AOAH: variants seen among roughly 807,000 people sequenced by gnomAD.
The protein encoded by AOAH is acyloxyacyl hydrolase, also known as acyloxyacyl hydrolase (neutrophil).
Under a neutral mutation model 92.2 loss-of-function variants are expected in AOAH, and 64 were observed. The observed-to-expected ratio is 0.69, with a 90% CI of 0.57 to 0.86. The LOEUF is 0.86. Among genes scored for constraint, AOAH ranks in the 40% least tolerant of loss-of-function variants. The pLI, the probability that AOAH is intolerant of heterozygous loss-of-function variation, is 0.00. For missense variants in AOAH, 656 were observed against 694.6 expected (o/e 0.94, Z 0.62); for synonymous variants, 263 against 254.5 (o/e 1.03, Z -0.32).
At chr7:36,588,111 T>C (rs1179071785) in intron 12 of AOAH, among the ~76,000 whole-genome samples, 3 of 152,224 alleles carry the variant, frequency 2.0e-5, no homozygotes, top group African/African-American at 7.2e-5. Flanking sequence ...ATTAATAATG[T>C]TTTTTCTGCT....
intron 13 of AOAH, among the ~76,000 whole-genome samples, chr7:36,563,185 G>T (rs796540870): frequency 3.9e-5 from 3 of 76,704 alleles, no homozygotes; most frequent in Non-Finnish European, 5.4e-5. Flanking sequence ...AAAAAAAAAA[G>T]GCAATGGGAG....
chr7:36,700,901 T>C (rs1245046550), intron 1 of AOAH, among the ~76,000 whole-genome samples: 1 of 152,104 alleles, frequency 6.6e-6, no homozygotes, highest in Non-Finnish European at 1.5e-5. Flanking sequence ...TGATATCTCA[T>C]TGTGGTTTTA....
chr7:36,546,849 G>A (rs1275112927), intron 15 of AOAH, among the ~76,000 whole-genome samples: 7 of 152,158 alleles, frequency 4.6e-5, no homozygotes, highest in Non-Finnish European at 8.8e-5. Context: ...TGATGTCAGG[G>A]ACTGTGGCTT....
At chr7:36,561,573 G>A (rs1390202024) in intron 13 of AOAH, among the ~76,000 whole-genome samples, 1 of 149,926 alleles carries the variant, frequency 6.7e-6, no homozygotes, top group Admixed American at 6.6e-5. Context: ...GGTGGCACAC[G>A]CATCGGCTGG....
At chr7:36,655,947 C>T (rs1794857865) in intron 4 of AOAH, among the ~76,000 whole-genome samples, 1 of 152,030 alleles carries the variant, frequency 6.6e-6, no homozygotes, top group Non-Finnish European at 1.5e-5. Context: ...TCTAATAGGG[C>T]CCGCCTCCCT....
intron 2 of AOAH, among the ~76,000 whole-genome samples, chr7:36,678,913 A>C (rs924202913): frequency 6.6e-6 from 1 of 152,214 alleles, no homozygotes; most frequent in African/African-American, 2.4e-5. Flanking sequence ...TGGCATTTAC[A>C]TATTGACAGT....
At chr7:36,652,283 A>T (rs141783374) in intron 4 of AOAH, among the ~76,000 whole-genome samples, 49 of 152,362 alleles carry the variant, frequency 3.2e-4, no homozygotes, top group African/African-American at 1.1e-3. Flanking sequence ...AACTGGAAAA[A>T]TTTGTGCAAT....
chr7:36,594,318 A>G, intron 12 of AOAH, 21 bp downstream of exon 12: 1 of 1,577,914 alleles, frequency 6.3e-7, no homozygotes, highest in East Asian at 2.2e-5. Context: ...GAAATGTCTG[A>G]GGGTGCACAA....
chr7:36,541,336 A>G (rs980711731), intron 15 of AOAH, among the ~76,000 whole-genome samples: 11 of 152,228 alleles, frequency 7.2e-5, no homozygotes, highest in Non-Finnish European at 1.6e-4. Context: ...AGTTAGTAAA[A>G]TAAAAAAAGA....
intron 12 of AOAH, 151 bp downstream of exon 12, chr7:36,594,188 A>G: frequency 1.5e-6 from 1 of 658,486 alleles, no homozygotes; most frequent in Admixed American, 2.7e-5. Context: ...AATTTGCATT[A>G]CATCCTACTG....
chr7:36,545,146 G>A (rs1252352647), intron 15 of AOAH, among the ~76,000 whole-genome samples: 1 of 152,020 alleles, frequency 6.6e-6, no homozygotes, highest in African/African-American at 2.4e-5. Context: ...TGAACTCCTG[G>A]GCTCAAGCTA....
intron 1 of AOAH, among the ~76,000 whole-genome samples, chr7:36,713,549 C>T (rs1302965079): frequency 1.3e-5 from 2 of 152,204 alleles, no homozygotes; most frequent in African/African-American, 4.8e-5. Flanking sequence ...CACACCACAC[C>T]TATTCCAAAA....
chr7:36,699,032 A>T (rs1797882080), intron 1 of AOAH, among the ~76,000 whole-genome samples: 1 of 149,224 alleles, frequency 6.7e-6, no homozygotes, highest in South Asian at 2.1e-4. Flanking sequence ...TTTTTATCCC[A>T]CATGTATGAG....
chr7:36,517,845 C>T (rs1783884631), intron 20 of AOAH, among the ~76,000 whole-genome samples: 2 of 151,718 alleles, frequency 1.3e-5, no homozygotes, highest in African/African-American at 2.4e-5. Context: ...AGGTGATCTG[C>T]CTGCCTCGAC....
In AOAH at chr7:36,617,371, C is replaced by G. The variant is rs535263075; in HGVS notation, c.752-897G>C. On this transcript the variant is annotated intron_variant, in intron 10 of 20. Coordinates refer to ENST00000617537, the MANE Select transcript of AOAH (RefSeq NM_001637.4). The stretch of plus-strand genomic sequence containing the variant: ...TCATTCATTGGTTTAGTTGTTCATT[C>G]ATTCTTTATTCATCCAACAAATATT... Among the ~76,000 whole-genome samples the G allele has an allele frequency of 3.9e-5, 6 of 152,360 alleles. No homozygotes were observed. In the South Asian group the frequency reaches 1.2e-3, roughly 32 times the overall value.
intron 15 of AOAH, among the ~76,000 whole-genome samples, chr7:36,545,637 G>T (rs1308137970): frequency 2.0e-5 from 3 of 152,144 alleles, no homozygotes; most frequent in Admixed American, 1.3e-4. Context: ...AGATGAAAAT[G>T]TATAATTTAT....
At chr7:36,522,881 C>T (rs1323073710) in intron 19 of AOAH, among the ~76,000 whole-genome samples, 2 of 152,220 alleles carry the variant, frequency 1.3e-5, no homozygotes, top group Non-Finnish European at 2.9e-5. Flanking sequence ...ACTAAGATTC[C>T]TCCCGTTCTT....
chr7:36,704,749 A>T (rs964596533), intron 1 of AOAH, among the ~76,000 whole-genome samples: 2 of 152,200 alleles, frequency 1.3e-5, no homozygotes, highest in Non-Finnish European at 2.9e-5. Context: ...CCTCAATAAA[A>T]TACTGGCACA....
At chr7:36,596,999 C>A (rs1227605888) in intron 11 of AOAH, among the ~76,000 whole-genome samples, 1 of 152,170 alleles carries the variant, frequency 6.6e-6, no homozygotes, top group Non-Finnish European at 1.5e-5. Context: ...GGTCTCTGAG[C>A]TTCCTCTGCT....
Sources: allele counts gnomAD v4.1 joint callset (sites outside exome capture counted in the v4.1 genomes callset), GRCh38; gene constraint gnomAD v4.1.1; transcripts MANE v1.5; gene names NCBI Gene and HGNC (gene_info 2026-07-23, HGNC 2026-07-21).